Variants in ROCK2 observed in about 807,000 individuals in gnomAD.
The protein encoded by ROCK2 is rho-associated protein kinase 2.
Under a neutral mutation model 195.1 loss-of-function variants are expected in ROCK2, and 61 were observed. That is an observed-to-expected ratio of 0.31 (90% CI 0.25 to 0.39). The LOEUF (loss-of-function observed/expected upper bound fraction) is 0.39, where lower values mean the gene tolerates loss of function less well. ROCK2 is among the 10% of genes least tolerant of loss of function. ROCK2 has a pLI of 1.00. For missense variants in ROCK2, 1,109 were observed against 1,637.4 expected (o/e 0.68, Z 5.57); for synonymous variants, 504 against 545.5 (o/e 0.92, Z 1.06).
chr2:11,249,520 T>C, intron 4 of ROCK2, 141 bp downstream of exon 4: 1 of 585,470 alleles, frequency 1.7e-6, no homozygotes. Flanking sequence ...ATTAAACAAA[T>C]GTTTTGAATC....
chr2:11,308,989 G>A, intron 1 of ROCK2: 5 of 1,603,508 alleles, frequency 3.1e-6, no homozygotes, highest in Non-Finnish European at 4.3e-6. Flanking sequence ...CCACTCAGTA[G>A]AAACCATCAT....
chr2:11,313,866 T>A (rs1572396413), intron 1 of ROCK2, among the ~76,000 whole-genome samples: 1 of 151,934 alleles, frequency 6.6e-6, no homozygotes, highest in East Asian at 1.9e-4. Context: ...AAACAACTTT[T>A]AAAAGCATTT....
At position 11,253,223 on chromosome 2, in the gene ROCK2, A is replaced by G. The variant is rs35343034; in HGVS notation, c.325-3425T>C. The stretch of plus-strand genomic sequence containing the variant: ...CTTACCATTGTCTACAGGGTCCTAA[A>G]TGATCTAGCCTATGTCCACCTTCCC... On this transcript the variant is annotated intron_variant, in intron 3 of 32. Transcript: ENST00000315872. Among the ~76,000 whole-genome samples, 931 of 152,254 alleles carry G rather than the reference A, an allele frequency of 6.1e-3. 4 individuals are homozygous for G. Among genetic ancestry groups the G allele is most frequent in the Non-Finnish European group, 0.01 (705 of 68,000 alleles).
rs1441433011 is a variant in ROCK2, at chr2:11,243,343, TG to T, written c.462+6317del. Among the ~76,000 whole-genome samples the T allele has an allele frequency of 9.2e-5, 14 of 152,332 alleles. No individual in the cohort carries two copies. The South Asian group carries it at 2.7e-3, about 29-fold the overall frequency. ...AAATATCCATATTTCAAAATCTATT[TG>T]AACTTTCCAATCAAGGGGCTTCTTC... On this transcript the variant is annotated intron_variant, in intron 4 of 32. Coordinates refer to ENST00000315872, the MANE Select transcript of ROCK2 (RefSeq NM_004850.5).
rs973572290 is a variant in ROCK2, at chr2:11,215,643, A to G, written c.1464T>C (p.Ile488=). The change falls in exon 14 of 33, where the codon ATT becomes ATC. Residue 488 remains isoleucine (I), a splice_region_variant and synonymous_variant. Coordinates refer to ENST00000315872, the MANE Select transcript of ROCK2 (RefSeq NM_004850.5). ...EKTAKELEEE[I]TLRKSVESAL... is the part of the protein sequence containing the mutation. ...CTGATTCCACACTTTTCCGTAAGGT[A>G]ATCTGAAATAATGCTTAAAGTTATT... 1.3e-6 allele frequency: 2 copies of G among 1,593,590 alleles called. No homozygotes were observed. The highest frequency in any genetic ancestry group is 1.2e-5 in the South Asian group (1 of 85,916).
chr2:11,309,395 G>C (rs967350947), intron 1 of ROCK2, among the ~76,000 whole-genome samples: 2 of 152,076 alleles, frequency 1.3e-5, no homozygotes, highest in Admixed American at 6.6e-5. Context: ...GTATATGTAC[G>C]CGTGTGTGCA....
At chr2:11,228,420 T>A (rs1213093346) in intron 5 of ROCK2, among the ~76,000 whole-genome samples, 1 of 152,190 alleles carries the variant, frequency 6.6e-6, no homozygotes, top group African/African-American at 2.4e-5. Flanking sequence ...TCAATGGCTT[T>A]ATTTTCCCAC....
At chr2:11,291,033 G>C (rs11686729) in intron 1 of ROCK2, among the ~76,000 whole-genome samples, 1 of 151,992 alleles carries the variant, frequency 6.6e-6, no homozygotes, top group Non-Finnish European at 1.5e-5. Context: ...ATGAGAGAAA[G>C]GCAGGGAGAA....
intron 4 of ROCK2, among the ~76,000 whole-genome samples, chr2:11,237,360 A>C (rs774327496): frequency 5.3e-5 from 8 of 152,232 alleles, no homozygotes; most frequent in Non-Finnish European, 1.2e-4. Context: ...GATGAAATAC[A>C]GAGCAATGTC....
rs761843192 is a variant in ROCK2, at chr2:11,201,427, T to G, written c.2620-14A>C. 5.2e-6 allele frequency: 7 copies of G among 1,342,954 alleles called. No homozygotes were observed. The highest frequency in any genetic ancestry group is 5.1e-5 in the Admixed American group (3 of 59,204). The allele number at this position is 1,342,954 out of a possible 1,614,324, so 83.2% of individuals were successfully genotyped here. ...TTTATAAAGGGTCTAAATAGCAAAA[T>G]ACAACAGAAATGCGTATCATCATCA... is the stretch of plus-strand genomic sequence containing the variant. On this transcript the variant is annotated splice_polypyrimidine_tract_variant and intron_variant, in intron 21 of 32. Coordinates refer to ENST00000315872, the MANE Select transcript of ROCK2 (RefSeq NM_004850.5). This position sits in a 1 kb window ranked among gnomAD's most constrained non-coding sequence, Gnocchi z 4.6.
chr2:11,293,035 G>A (rs1170645448), intron 1 of ROCK2, among the ~76,000 whole-genome samples: 1 of 152,088 alleles, frequency 6.6e-6, no homozygotes, highest in Non-Finnish European at 1.5e-5. Flanking sequence ...CTCCAGCCAC[G>A]CTTCCTGTAC....
chr2:11,261,646 G>A (rs1368377460), intron 3 of ROCK2, among the ~76,000 whole-genome samples: 1 of 152,122 alleles, frequency 6.6e-6, no homozygotes, highest in Non-Finnish European at 1.5e-5. Context: ...GTGAAACCCT[G>A]TCTTTACTAA....
chr2:11,296,044 GAGAGAGAA>G (rs1317692224), intron 1 of ROCK2, among the ~76,000 whole-genome samples: 29 of 148,696 alleles, frequency 2.0e-4, no homozygotes, highest in African/African-American at 6.3e-4. Context: ...GAGAGAGAGA[GAGAGAGAA>G]AACAAAGGGT....
chr2:11,246,694 A>G (rs1214656167), intron 4 of ROCK2, among the ~76,000 whole-genome samples: 2 of 152,194 alleles, frequency 1.3e-5, no homozygotes, highest in African/African-American at 2.4e-5. Flanking sequence ...AACAAAAATG[A>G]AAAGTGATAT....
At chr2:11,227,156 C>A in intron 6 of ROCK2, 98 bp downstream of exon 6, 1 of 1,158,800 alleles carries the variant, frequency 8.6e-7, no homozygotes, top group Non-Finnish European at 1.2e-6. Flanking sequence ...TTCTTCCCTA[C>A]GACAAAGGCA....
intron 3 of ROCK2, among the ~76,000 whole-genome samples, chr2:11,273,416 T>C (rs781192179): frequency 1.2e-4 from 19 of 152,068 alleles, no homozygotes; most frequent in Admixed American, 1.3e-4. Context: ...AAAAAAACAT[T>C]ATATCTTAAT....
Position 11,214,833 on chromosome 2 carries a change from T to A in ROCK2, c.1936+7A>T. The stretch of plus-strand genomic sequence containing the variant: ...AATTAATTCAAGTGCAACCACGACT[T>A]CAATACCTTGTAAATCATTAATTAT... On this transcript the variant is annotated splice_region_variant and intron_variant, in intron 16 of 32. Coordinates refer to ENST00000315872, the MANE Select transcript of ROCK2 (RefSeq NM_004850.5). The A allele has an allele frequency of 6.2e-7, 1 of 1,601,350 alleles. No individual in the cohort carries two copies. Among genetic ancestry groups the A allele is most frequent in the Non-Finnish European group, 8.5e-7 (1 of 1,175,234 alleles).
intron 3 of ROCK2, among the ~76,000 whole-genome samples, chr2:11,269,878 G>A (rs1279850121): frequency 1.3e-5 from 2 of 152,060 alleles, no homozygotes; most frequent in Non-Finnish European, 2.9e-5. Context: ...AGCCTCCAGA[G>A]TAGCTGGGAC....
chr2:11,261,281 A>C (rs1666217151), intron 3 of ROCK2, among the ~76,000 whole-genome samples: 1 of 152,188 alleles, frequency 6.6e-6, no homozygotes, highest in South Asian at 2.1e-4. Context: ...ATACCTTTAT[A>C]ATTCGTTAGC....
Sources: allele counts gnomAD v4.1 joint callset (sites outside exome capture counted in the v4.1 genomes callset), GRCh38; gene constraint gnomAD v4.1.1; non-coding constraint Gnocchi (gnomAD v3.1); transcripts MANE v1.5; gene names NCBI Gene and HGNC (gene_info 2026-07-23, HGNC 2026-07-21).